The following GFRA1 variants were observed in gnomAD, a reference collection of about 807,000 sequenced individuals.
GFRA1 encodes the protein GDNF family receptor alpha 1.
In GFRA1, 16 loss-of-function variants were observed where a neutral mutation model predicts 51.6. The ratio of observed to expected loss-of-function variants is 0.31; its 90% CI spans 0.21 to 0.47. GFRA1 has a LOEUF of 0.47. GFRA1 is among the 20% of genes least tolerant of loss of function. The pLI, the probability that GFRA1 is intolerant of heterozygous loss-of-function variation, is 1.00. For synonymous variants in GFRA1, 270 were observed against 241.3 expected, an observed-to-expected ratio of 1.12 and a Z score of -1.10; for missense variants, 530 against 594.3, an observed-to-expected ratio of 0.89 and a Z score of 1.13.
intron 6 of GFRA1, among the ~76,000 whole-genome samples, chr10:116,097,555 G>A (rs965687095): frequency 5.3e-5 from 8 of 152,310 alleles, no homozygotes; most frequent in Admixed American, 3.3e-4. Flanking sequence ...GCTGGTCTGC[G>A]GAGAAGAGGG....
intron 5 of GFRA1, among the ~76,000 whole-genome samples, chr10:116,196,849 T>A (rs370753037): frequency 0.078 from 3,268 of 42,064 alleles, 149 homozygotes; most frequent in African/African-American, 0.14. Context: ...ATATATATAT[T>A]TTTTTTCCCT....
At chr10:116,203,160 A>G (rs1964472801) in intron 5 of GFRA1, among the ~76,000 whole-genome samples, 1 of 152,192 alleles carries the variant, frequency 6.6e-6, no homozygotes. Context: ...AGAACATATT[A>G]CCAAACCTAC....
intron 8 of GFRA1, among the ~76,000 whole-genome samples, chr10:116,091,191 G>A (rs565803973): frequency 3.5e-4 from 54 of 152,210 alleles, no homozygotes; most frequent in Non-Finnish European, 6.6e-4. Flanking sequence ...CCACATCAGC[G>A]GTTCAGTTGT....
At chr10:116,136,611 G>A (rs1331647165) in intron 5 of GFRA1, among the ~76,000 whole-genome samples, 1 of 152,126 alleles carries the variant, frequency 6.6e-6, no homozygotes, top group Non-Finnish European at 1.5e-5. Context: ...TTAAAATAAT[G>A]TGTATGTACT....
chr10:116,240,525 G>C (rs1235431621), intron 4 of GFRA1, among the ~76,000 whole-genome samples: 1 of 152,170 alleles, frequency 6.6e-6, no homozygotes, highest in South Asian at 2.1e-4. Context: ...AAAAAACAAA[G>C]CATCTAAAGA....
At chr10:116,132,634 T>C (rs147637894) in intron 5 of GFRA1, among the ~76,000 whole-genome samples, 9 of 151,994 alleles carry the variant, frequency 5.9e-5, no homozygotes, top group Non-Finnish European at 1.0e-4. Flanking sequence ...GGGGCCCTGA[T>C]ACTGCGGATC....
In GFRA1 at chr10:116,272,072, C is replaced by G. The variant is rs1457294825; in HGVS notation, c.-43G>C. The G allele has an allele frequency of 1.3e-6, 2 of 1,518,666 alleles. No homozygotes were observed. The highest frequency in any genetic ancestry group is 2.0e-5 in the Admixed American group (1 of 51,056). The allele number at this position is 1,518,666 out of a possible 1,614,324, so 94.1% of individuals were successfully genotyped here. ...GGTCCCCGCCCCCCCAAAAAAATCC[C>G]GAGCCGCCGCTGGGTCTTGCCGAGG... On this transcript the variant is annotated 5_prime_UTR_variant, in exon 2 of 11. Coordinates refer to ENST00000355422, the MANE Select transcript of GFRA1 (RefSeq NM_005264.8). The surrounding 1 kb of genome is among the most constrained non-coding windows in gnomAD (Gnocchi z 4.4).
rs142472707 is a variant in GFRA1 at position 116,058,044 on chromosome 10, C to CACAGAGAG, written c.*6353_*6354insCTCTCTGT. On this transcript the variant is annotated 3_prime_UTR_variant, in exon 11 of 11. Coordinates refer to ENST00000355422, the MANE Select transcript of GFRA1 (RefSeq NM_005264.8). ...TGTGTGTGTGTGTGTGTGTGTGTGA[C>CACAGAGAG]AGAGAGAACCACGCTTTATTGGCGG... 23 of 115,070 alleles carry CACAGAGAG rather than the reference C, an allele frequency of 2.0e-4. No individual in the cohort carries two copies. Among genetic ancestry groups the CACAGAGAG allele is most frequent in the Admixed American group, 1.0e-3 (11 of 10,886 alleles). The allele number at this position is 115,070 out of a possible 1,614,324, so 7.1% of individuals were successfully genotyped here.
In GFRA1 at chr10:116,248,191, A is replaced by C. The variant is rs12259636; in HGVS notation, c.418+21312T>G. Among the ~76,000 whole-genome samples the C allele has an allele frequency of 3.7e-3, 568 of 152,254 alleles. 3 individuals carry two copies. Among genetic ancestry groups the C allele is most frequent in the African/African-American group, 0.013 (547 of 41,542 alleles). ...TGCAGAATGTGGCCTGGGTGTGGCA[A>C]GGGCAAAAGGTAAGAGCAAGGGAGC... On this transcript the variant is annotated intron_variant, in intron 4 of 10. Transcript: ENST00000355422.
intron 5 of GFRA1, among the ~76,000 whole-genome samples, chr10:116,142,990 C>A (rs1387750648): frequency 2.6e-5 from 4 of 152,164 alleles, no homozygotes; most frequent in African/African-American, 9.7e-5. Flanking sequence ...AAGCACAGGT[C>A]CACTTCCCAC....
chr10:116,165,180 G>A (rs1409484100), intron 5 of GFRA1, among the ~76,000 whole-genome samples: 1 of 152,116 alleles, frequency 6.6e-6, no homozygotes, highest in Non-Finnish European at 1.5e-5. Context: ...TCTATCTTAA[G>A]TCTCATTCTG....
At chr10:116,122,426 A>G (rs1957685357) in intron 6 of GFRA1, among the ~76,000 whole-genome samples, 1 of 152,096 alleles carries the variant, frequency 6.6e-6, no homozygotes, top group Non-Finnish European at 1.5e-5. Context: ...GGGATGTCAC[A>G]AACAGTTCCT....
intron 9 of GFRA1, among the ~76,000 whole-genome samples, chr10:116,084,683 C>T (rs1956008554): frequency 6.6e-6 from 1 of 152,024 alleles, no homozygotes; most frequent in South Asian, 2.1e-4. Context: ...CACTGTAAGA[C>T]ACCAGAGTTA....
intron 9 of GFRA1, among the ~76,000 whole-genome samples, chr10:116,082,801 A>AAGAC (rs2133841500): frequency 6.6e-6 from 1 of 152,254 alleles, no homozygotes; most frequent in South Asian, 2.1e-4. Context: ...ATTAATTAAG[A>AAGAC]AGACACAATA....
Position 116,125,297 on chromosome 10 carries a change from C to A in GFRA1, c.694G>T (p.Val232Leu). 1 of 1,614,238 alleles carries A rather than the reference C, an allele frequency of 6.2e-7. No individual in the cohort carries two copies. The highest frequency in any genetic ancestry group is 8.5e-7 in the Non-Finnish European group (1 of 1,180,040). Residue 232 changes from valine (V) to leucine (L), a missense_variant, in exon 6 of 11, where the codon GTG becomes TTG. Coordinates refer to ENST00000355422, the MANE Select transcript of GFRA1 (RefSeq NM_005264.8). ...TERRRQTIVPVCSYEEREKPN... is the reference protein window; with the variant it reads ...TERRRQTIVPLCSYEEREKPN... ...TTCTCCCTCTCTTCATAGGAGCACA[C>A]AGGCACGATGGTCTGTCGCCTCCGC...
chr10:116,206,695 C>T (rs1335371000), intron 5 of GFRA1, among the ~76,000 whole-genome samples: 1 of 146,836 alleles, frequency 6.8e-6, no homozygotes. Context: ...TGCAGCCGCG[C>T]GATCTCGGCT....
intron 5 of GFRA1, among the ~76,000 whole-genome samples, chr10:116,175,977 T>C (rs1961547339): frequency 6.6e-6 from 1 of 151,230 alleles, no homozygotes; most frequent in Non-Finnish European, 1.5e-5. Context: ...AAAAAAAAAA[T>C]AGGGGCTACT....
At chr10:116,194,066 T>TAAAAAAAAA (rs1051845471) in intron 5 of GFRA1, among the ~76,000 whole-genome samples, 55 of 26,988 alleles carry the variant, frequency 2.0e-3, no homozygotes, top group Non-Finnish European at 4.0e-3. Flanking sequence ...AAATAAAATT[T>TAAAAAAAAA]AAAAAAAAAA....
At chr10:116,188,864 C>T (rs1401573607) in intron 5 of GFRA1, among the ~76,000 whole-genome samples, 1 of 149,148 alleles carries the variant, frequency 6.7e-6, no homozygotes, top group African/African-American at 2.5e-5. Context: ...AGTGCCACTG[C>T]ACTCCAGTCT....
Sources: gnomAD v4.1 joint callset for allele counts (sites outside exome capture counted in the v4.1 genomes callset) on GRCh38, gnomAD v4.1.1 for gene constraint, Gnocchi (gnomAD v3.1) non-coding constraint, MANE v1.5 for transcripts, NCBI Gene and HGNC (gene_info 2026-07-23, HGNC 2026-07-21) for gene names.